Variants in FGD3 observed in about 807,000 individuals in gnomAD.
FGD3 encodes FYVE, RhoGEF and PH domain containing 3, also known as FYVE, RhoGEF and PH domain-containing protein 3.
A neutral mutation model predicts 71.8 loss-of-function variants in FGD3; 45 were observed. That is an observed-to-expected ratio of 0.63 (90% CI 0.49 to 0.80). The LOEUF (loss-of-function observed/expected upper bound fraction) is 0.80. Ranked by LOEUF, FGD3 falls within the 30% of genes least tolerant of loss-of-function variation. The pLI, the probability that FGD3 is intolerant of heterozygous loss-of-function variation, is 0.00. For missense variants in FGD3, 844 were observed against 951.5 expected (o/e 0.89, Z 1.49); for synonymous variants, 378 against 392.8 (o/e 0.96, Z 0.44).
At position 93,003,267 on chromosome 9, in the gene FGD3, T is replaced by G. The variant is rs1190197229; in HGVS notation, c.543+253T>G. ...TCTCAGCCTCCCGAGTAGCTGGGAC[T>G]ACAGGCACATGCCACCACGCCCAGC... is the stretch of plus-strand genomic sequence containing the variant. On this transcript the variant is annotated intron_variant, in intron 4 of 17. Coordinates refer to ENST00000375482, the MANE Select transcript of FGD3 (RefSeq NM_001083536.2). This position sits in a 1 kb window ranked among gnomAD's most constrained non-coding sequence, Gnocchi z 4.1. Among the ~76,000 whole-genome samples, 3 of 152,190 alleles carry G rather than the reference T, an allele frequency of 2.0e-5. No homozygotes were observed. The highest frequency in any genetic ancestry group is 7.2e-5 in the African/African-American group (3 of 41,444).
intron 1 of FGD3, among the ~76,000 whole-genome samples, chr9:92,949,928 C>T (rs1858923281): frequency 1.3e-5 from 2 of 152,234 alleles, no homozygotes; most frequent in Non-Finnish European, 2.9e-5. Flanking sequence ...AGCTGACCAA[C>T]TAACCAACCA....
At chr9:93,015,482 T>A (rs538758939) in intron 9 of FGD3, among the ~76,000 whole-genome samples, 158 of 152,164 alleles carry the variant, frequency 1.0e-3, no homozygotes, top group African/African-American at 1.5e-3. Flanking sequence ...GGTTTTTTTT[T>A]AAATTATACA....
At chr9:92,993,949 A>G (rs150385002) in intron 3 of FGD3, among the ~76,000 whole-genome samples, 1,720 of 152,334 alleles carry the variant, frequency 0.011, 17 homozygotes, top group Non-Finnish European at 0.018. Context: ...TCTTTATAGC[A>G]GCGTGATTTA....
chr9:93,034,750 C>G, intron 17 of FGD3, 69 bp downstream of exon 17: 1 of 1,508,440 alleles, frequency 6.6e-7, no homozygotes, highest in South Asian at 1.2e-5. Context: ...GCACCCACAG[C>G]AGGCCTGTGC....
intron 11 of FGD3, among the ~76,000 whole-genome samples, chr9:93,018,438 A>G (rs1302851041): frequency 2.6e-5 from 4 of 152,192 alleles, no homozygotes; most frequent in African/African-American, 9.7e-5. Context: ...AGGAGATGGG[A>G]ACTCAGTCTC....
intron 3 of FGD3, among the ~76,000 whole-genome samples, chr9:92,981,000 G>A (rs912526636): frequency 4.0e-4 from 61 of 151,600 alleles, no homozygotes; most frequent in African/African-American, 1.3e-3. Flanking sequence ...GAAAAAAAAT[G>A]TGTTGTTTAA....
At chr9:92,952,617 T>C (rs1439286575) in intron 1 of FGD3, among the ~76,000 whole-genome samples, 1 of 152,092 alleles carries the variant, frequency 6.6e-6, no homozygotes, top group Non-Finnish European at 1.5e-5. Flanking sequence ...CTTAACATTA[T>C]GAAGGTTGAG....
rs1291185882 is a variant in FGD3 at position 93,003,214 on chromosome 9, C to T, written c.543+200C>T. Among the ~76,000 whole-genome samples, 1 of 152,066 alleles carries T rather than the reference C, an allele frequency of 6.6e-6. No individual in the cohort carries two copies. Among genetic ancestry groups the T allele is most frequent in the East Asian group, 1.9e-4 (1 of 5,186 alleles). On this transcript the variant is annotated intron_variant, in intron 4 of 17. Coordinates refer to ENST00000375482, the MANE Select transcript of FGD3 (RefSeq NM_001083536.2). The surrounding 1 kb of genome is among the most constrained non-coding windows in gnomAD (Gnocchi z 4.1). ...CGCGATCTTGGCTCACTGCAACCTC[C>T]GCCTCTCCAGTTCAAGCAATTCTCC...
At chr9:92,974,953 G>C (rs1486742671) in intron 1 of FGD3, among the ~76,000 whole-genome samples, 1 of 152,240 alleles carries the variant, frequency 6.6e-6, no homozygotes, top group Admixed American at 6.5e-5. Flanking sequence ...TGCATGGCAA[G>C]GGACAAGCTC....
At chr9:92,956,834 C>CTTTTTTTTTT (rs34469364) in intron 1 of FGD3, among the ~76,000 whole-genome samples, 6 of 127,748 alleles carry the variant, frequency 4.7e-5, no homozygotes, top group Non-Finnish European at 6.4e-5. Context: ...TAATTGCTTT[C>CTTTTTTTTTT]TTTCTTTTTT....
chr9:93,001,145 T>C (rs927391357), intron 3 of FGD3, among the ~76,000 whole-genome samples: 1 of 152,194 alleles, frequency 6.6e-6, no homozygotes, highest in African/African-American at 2.4e-5. Flanking sequence ...TTTTAATAGT[T>C]TCTATCTCTT....
At position 93,022,312 on chromosome 9, in the gene FGD3, CTG is replaced by C; in HGVS notation, c.1495-11_1495-10del. 2.5e-6 allele frequency: 4 copies of C among 1,609,238 alleles called. No individual in the cohort carries two copies. Among genetic ancestry groups the C allele is most frequent in the Non-Finnish European group, 3.4e-6 (4 of 1,177,278 alleles). ...CCTGGAATCTCCTCTCACTCGGCCTCTGTGTCCCTTCTAGATCACGAGCACCA... is the reference window on the plus strand; with the variant it reads ...CCTGGAATCTCCTCTCACTCGGCCTCTGTCCCTTCTAGATCACGAGCACCA... On this transcript the variant is annotated splice_polypyrimidine_tract_variant and intron_variant, in intron 13 of 17. Transcript: ENST00000375482.
intron 3 of FGD3, among the ~76,000 whole-genome samples, chr9:92,991,091 T>C (rs1350590670): frequency 3.3e-5 from 5 of 151,434 alleles, no homozygotes; most frequent in African/African-American, 4.9e-5. Context: ...GTTTGTTTGT[T>C]TGTTTTTGAG....
chr9:92,991,473 C>G (rs1564153204), intron 3 of FGD3, among the ~76,000 whole-genome samples: 1 of 151,994 alleles, frequency 6.6e-6, no homozygotes, highest in Non-Finnish European at 1.5e-5. Context: ...GAATGTTTCT[C>G]TTGTTGTTGA....
At chr9:92,972,954 C>T (rs187091861) in intron 1 of FGD3, among the ~76,000 whole-genome samples, 27 of 152,242 alleles carry the variant, frequency 1.8e-4, no homozygotes, top group Admixed American at 1.2e-3. Flanking sequence ...ACATTCTCCA[C>T]GTCTCTACTG....
chr9:92,983,796 A>C (rs1860087368), intron 3 of FGD3, among the ~76,000 whole-genome samples: 1 of 152,220 alleles, frequency 6.6e-6, no homozygotes, highest in Non-Finnish European at 1.5e-5. Context: ...ACTTGCTTTA[A>C]CCTTTATCTT....
rs76013880 is a variant in FGD3, at chr9:93,014,100, C to T, written c.1182+102C>T. On this transcript the variant is annotated intron_variant, in intron 9 of 17. Coordinates refer to ENST00000375482, the MANE Select transcript of FGD3 (RefSeq NM_001083536.2). ...GCTCTGGCTGCCCAAGGACATGGCT[C>T]TTCTGTGGCCTCTCCTACTGGGACT... 6,355 of 1,399,442 alleles carry T rather than the reference C, an allele frequency of 4.5e-3. 105 individuals are homozygous for T. In the East Asian group the frequency reaches 0.054, roughly 12 times the overall value. 86.7% of individuals were successfully genotyped at this position (1,399,442 alleles called of 1,614,324 possible).
At chr9:93,001,307 TTTTG>T (rs1860850027) in intron 3 of FGD3, among the ~76,000 whole-genome samples, 4 of 152,280 alleles carry the variant, frequency 2.6e-5, no homozygotes, top group African/African-American at 9.6e-5. Context: ...TTAAGATCAG[TTTTG>T]AAGTTTTTTA....
At chr9:93,001,220 CTCTTT>C (rs1860845491) in intron 3 of FGD3, among the ~76,000 whole-genome samples, 1 of 152,018 alleles carries the variant, frequency 6.6e-6, no homozygotes, top group South Asian at 2.1e-4. Context: ...TCTATCTGTT[CTCTTT>C]TATCTCATTG....
Sources: allele counts gnomAD v4.1 joint callset (sites outside exome capture counted in the v4.1 genomes callset), GRCh38; gene constraint gnomAD v4.1.1; non-coding constraint Gnocchi (gnomAD v3.1); transcripts MANE v1.5; gene names NCBI Gene and HGNC (gene_info 2026-07-23, HGNC 2026-07-21).